The following NRXN3 variants were observed in gnomAD, a reference collection of about 807,000 sequenced individuals.
NRXN3 encodes neurexin 3.
A neutral mutation model predicts 137.6 loss-of-function variants in NRXN3; 32 were observed. That is an observed-to-expected ratio of 0.23 (90% CI 0.18 to 0.31). NRXN3 has a LOEUF of 0.31. Among genes scored for constraint, NRXN3 ranks in the 10% least tolerant of loss-of-function variants. The pLI is 1.00. For synonymous variants in NRXN3, 798 were observed against 784.5 expected, an observed-to-expected ratio of 1.02 and a Z score of -0.29; for missense variants, 1,574 against 2,062.5, an observed-to-expected ratio of 0.76 and a Z score of 4.59.
chr14:78,956,389 C>G lies in NRXN3; in HGVS notation c.2276-853C>G, dbSNP rs369727477. Reference sequence around the variant, plus strand: ...TCTTTGTCTCTCTTGCCATCTTTTTCCCCTAAGTACAATTCCTGTTACCCC... The same window carrying G: ...TCTTTGTCTCTCTTGCCATCTTTTTGCCCTAAGTACAATTCCTGTTACCCC... On this transcript the variant is annotated intron_variant, in intron 10 of 20. Coordinates refer to ENST00000335750, the MANE Select transcript of NRXN3 (RefSeq NM_001330195.2). 5.7e-4 allele frequency among the ~76,000 whole-genome samples: 87 copies of G among 152,242 alleles called. 1 individual carries two copies. Among genetic ancestry groups the G allele is most frequent in the African/African-American group, 1.9e-3 (79 of 41,570 alleles).
chr14:78,922,939 A>AT (rs758112930), intron 10 of NRXN3, among the ~76,000 whole-genome samples: 1 of 152,130 alleles, frequency 6.6e-6, no homozygotes, highest in Non-Finnish European at 1.5e-5. Flanking sequence ...TCACAGCAGC[A>AT]TTTTTTCCCG....
intron 19 of NRXN3, among the ~76,000 whole-genome samples, chr14:79,756,756 A>C (rs980359546): frequency 6.6e-6 from 1 of 152,186 alleles, no homozygotes; most frequent in Admixed American, 6.6e-5. Flanking sequence ...TTTGGGCTTG[A>C]GTTATCCATC....
At chr14:79,522,132 A>AAT (rs1361395434) in intron 16 of NRXN3, among the ~76,000 whole-genome samples, 2 of 152,196 alleles carry the variant, frequency 1.3e-5, no homozygotes, top group African/African-American at 4.8e-5. Context: ...AATTGAAAAA[A>AAT]ATCATGGTAC....
intron 15 of NRXN3, among the ~76,000 whole-genome samples, chr14:79,455,507 T>C (rs1243781958): frequency 6.6e-6 from 1 of 152,194 alleles, no homozygotes; most frequent in Non-Finnish European, 1.5e-5. Flanking sequence ...ATCACCTAGA[T>C]CTGTATTTTT....
At chr14:79,158,723 G>A (rs2060483625) in intron 15 of NRXN3, among the ~76,000 whole-genome samples, 1 of 151,750 alleles carries the variant, frequency 6.6e-6, no homozygotes, top group Admixed American at 6.6e-5. Context: ...GCTCCATCGG[G>A]TTCAAGACAT....
intron 19 of NRXN3, among the ~76,000 whole-genome samples, chr14:79,712,428 A>G (rs539935922): frequency 6.6e-6 from 1 of 152,332 alleles, no homozygotes; most frequent in Non-Finnish European, 1.5e-5. Context: ...AATATCGCCT[A>G]TTGAAAACAA....
intron 15 of NRXN3, among the ~76,000 whole-genome samples, chr14:79,259,255 A>G (rs2077200134): frequency 6.6e-6 from 1 of 152,198 alleles, no homozygotes; most frequent in South Asian, 2.1e-4. Context: ...TGTGTGTCAA[A>G]AGAAGTAGAC....
chr14:78,879,056 A>G (rs1281389585), intron 10 of NRXN3, among the ~76,000 whole-genome samples: 1 of 152,174 alleles, frequency 6.6e-6, no homozygotes, highest in Non-Finnish European at 1.5e-5. Flanking sequence ...AAGGCTCAAT[A>G]ATATTGGTTG....
intron 15 of NRXN3, among the ~76,000 whole-genome samples, chr14:79,281,095 T>C (rs188768707): frequency 1.3e-4 from 20 of 152,234 alleles, no homozygotes; most frequent in Admixed American, 7.2e-4. Context: ...CCTGTGGCCA[T>C]TTGTGTTGAA....
chr14:78,957,417 T>C (rs2152967372), intron 11 of NRXN3, 56 bp downstream of exon 11: 3 of 1,581,050 alleles, frequency 1.9e-6, no homozygotes, highest in East Asian at 4.6e-5. Flanking sequence ...TCTCAGTCAC[T>C]GAGTGAGCAA....
intron 10 of NRXN3, among the ~76,000 whole-genome samples, chr14:78,849,688 C>T (rs772383237): frequency 1.3e-5 from 2 of 151,992 alleles, no homozygotes; most frequent in African/African-American, 2.4e-5. Context: ...TTCTCTCTAT[C>T]TCGTGGAGGG....
intron 4 of NRXN3, among the ~76,000 whole-genome samples, chr14:78,628,338 A>T (rs1323045076): frequency 6.6e-6 from 1 of 152,204 alleles, no homozygotes; most frequent in Non-Finnish European, 1.5e-5. Flanking sequence ...GATTTCAGGC[A>T]TAAGCCAATA....
chr14:79,842,217 A>G (rs1042030886), intron 20 of NRXN3, among the ~76,000 whole-genome samples: 1 of 152,126 alleles, frequency 6.6e-6, no homozygotes, highest in Non-Finnish European at 1.5e-5. Flanking sequence ...GTGGGGGAGG[A>G]CTAAATGTAA....
chr14:78,443,669 T>C (rs2094327204), intron 4 of NRXN3, among the ~76,000 whole-genome samples: 1 of 152,196 alleles, frequency 6.6e-6, no homozygotes, highest in Admixed American at 6.5e-5. Flanking sequence ...AATATCCATA[T>C]TGGTTTGAGT....
At chr14:78,551,546 A>C in intron 4 of NRXN3, among the ~76,000 whole-genome samples, 4 of 132,528 alleles carry the variant, frequency 3.0e-5, no homozygotes, top group South Asian at 2.6e-4. Flanking sequence ...TAGTTTTTTA[A>C]TCTCACCTCC....
chr14:79,274,707 AT>A lies in NRXN3; in HGVS notation c.3263-192507del, dbSNP rs199712168. Among the ~76,000 whole-genome samples, 1,158 of 152,274 alleles carry A rather than the reference AT, an allele frequency of 7.6e-3. 22 individuals carry two copies. In the South Asian group the frequency reaches 0.078, roughly 10 times the overall value. ...TAAGGTTTTCACAGGAAGAGTTCAT[AT>A]TTTTTTAATCCTTAAAGTAATGTGT... On this transcript the variant is annotated intron_variant, in intron 15 of 20. Coordinates refer to ENST00000335750, the MANE Select transcript of NRXN3 (RefSeq NM_001330195.2).
intron 8 of NRXN3, among the ~76,000 whole-genome samples, chr14:78,785,708 A>C (rs751263407): frequency 2.0e-5 from 3 of 152,186 alleles, no homozygotes; most frequent in Admixed American, 6.5e-5. Flanking sequence ...AGGCAGTTAC[A>C]ACTTTGTTGT....
chr14:79,136,594 A>T (rs559026470), intron 15 of NRXN3, among the ~76,000 whole-genome samples: 2 of 152,232 alleles, frequency 1.3e-5, no homozygotes, highest in Non-Finnish European at 2.9e-5. Flanking sequence ...TCACAAATTC[A>T]TTACATTCAC....
chr14:78,829,985 G>A (rs936793368), intron 10 of NRXN3, among the ~76,000 whole-genome samples: 4 of 152,156 alleles, frequency 2.6e-5, no homozygotes, highest in Admixed American at 6.5e-5. Context: ...AAGAATTGCC[G>A]AAAGAGAGGA....
Sources: allele counts gnomAD v4.1 joint callset (sites outside exome capture counted in the v4.1 genomes callset), GRCh38; gene constraint gnomAD v4.1.1; transcripts MANE v1.5; gene names NCBI Gene and HGNC (gene_info 2026-07-23, HGNC 2026-07-21).